Variants in IGF1R observed in about 807,000 individuals in gnomAD.
The protein encoded by IGF1R is insulin-like growth factor 1 receptor.
In IGF1R, 44 loss-of-function variants were observed where a neutral mutation model predicts 144.6. The observed-to-expected ratio is 0.30, with a 90% CI of 0.24 to 0.39. The LOEUF (loss-of-function observed/expected upper bound fraction) is 0.39. Among genes scored for constraint, IGF1R ranks in the 10% least tolerant of loss-of-function variants. The probability of loss-of-function intolerance (pLI) is 1.00; values close to 1 mark genes in which losing one functional copy is unlikely to be tolerated. For missense variants in IGF1R, 1,355 were observed against 1,833.7 expected, an observed-to-expected ratio of 0.74 and a Z score of 4.77; for synonymous variants, 795 against 722.8, an observed-to-expected ratio of 1.10 and a Z score of -1.60.
chr15:98,843,532 T>C (rs1376346646), intron 2 of IGF1R, among the ~76,000 whole-genome samples: 1 of 152,138 alleles, frequency 6.6e-6, no homozygotes, highest in Non-Finnish European at 1.5e-5. Context: ...TTAAAAGTTT[T>C]TAAAATATTA....
chr15:98,649,643 C>T lies in IGF1R; in HGVS notation c.62C>T (p.Ala21Val), dbSNP rs764574675. The change falls in exon 1 of 21, where the codon GCC becomes GTC. Residue 21 changes from alanine (A) to valine (V), a missense_variant. By Grantham distance (64) the Ala-to-Val change is moderately conservative. Around this residue, in one of 7 missense-constraint regions of IGF1R, gnomAD observed 49 missense variants for 34.7 expected, o/e 1.41. Coordinates refer to ENST00000650285, the MANE Select transcript of IGF1R (RefSeq NM_000875.5). ...TSLWGLLFLS[A>V]ALSLWPTSGE... is the part of the protein sequence containing the mutation. ...CTGTGGGGGCTCCTGTTTCTCTCCG[C>T]CGCGCTCTCGCTCTGGCCGACGAGT... The T allele has an allele frequency of 1.2e-6, 2 of 1,610,510 alleles. No individual in the cohort carries two copies. The highest frequency in any genetic ancestry group is 1.1e-5 in the South Asian group (1 of 90,570).
chr15:98,821,639 G>A (rs1393193902), intron 2 of IGF1R, among the ~76,000 whole-genome samples: 3 of 152,326 alleles, frequency 2.0e-5, no homozygotes, highest in Admixed American at 6.5e-5. Flanking sequence ...ATGAAACCAA[G>A]GCAGAGAAAT....
chr15:98,945,044 G>A (rs896886825), intron 19 of IGF1R, among the ~76,000 whole-genome samples: 3 of 152,202 alleles, frequency 2.0e-5, no homozygotes, highest in Admixed American at 6.5e-5. Context: ...AGGCCCTTGG[G>A]CACTGTGGCT....
At chr15:98,734,878 G>A (rs1479144743) in intron 2 of IGF1R, 1 of 152,172 alleles carries the variant, frequency 6.6e-6, no homozygotes, top group African/African-American at 2.4e-5. Context: ...ATGCCAAGAC[G>A]AATTGTAGGT....
rs143499578 is a variant in IGF1R at position 98,722,409 on chromosome 15, A to G, written c.640+14302A>G. On this transcript the variant is annotated intron_variant, in intron 2 of 20. Coordinates refer to ENST00000650285, the MANE Select transcript of IGF1R (RefSeq NM_000875.5). ...GTACTGTTTGCCGAACACTGTATAC[A>G]AGGCCCTCGACTCGTGAATGAGTTG... 2.4e-4 allele frequency among the ~76,000 whole-genome samples: 36 copies of G among 152,280 alleles called. No homozygotes were observed. The East Asian group carries it at 5.0e-3, about 21-fold the overall frequency.
At chr15:98,931,654 A>G (rs2015945492) in intron 15 of IGF1R, among the ~76,000 whole-genome samples, 1 of 151,568 alleles carries the variant, frequency 6.6e-6, no homozygotes, top group Non-Finnish European at 1.5e-5. Context: ...GATGCACACC[A>G]CACTTACAAG....
intron 20 of IGF1R, among the ~76,000 whole-genome samples, chr15:98,952,312 A>ACACAC (rs1379922914): frequency 6.6e-6 from 1 of 151,436 alleles, no homozygotes; most frequent in African/African-American, 2.4e-5. Flanking sequence ...CAACACACAC[A>ACACAC]CACACACACA....
chr15:98,874,822 C>G (rs1210427910), intron 2 of IGF1R, among the ~76,000 whole-genome samples: 3 of 152,330 alleles, frequency 2.0e-5, no homozygotes, highest in Admixed American at 2.0e-4. Flanking sequence ...AGTCGGCCCT[C>G]CTTTTCCCCT....
intron 2 of IGF1R, among the ~76,000 whole-genome samples, chr15:98,765,168 A>C (rs938840955): frequency 1.3e-4 from 20 of 152,178 alleles, no homozygotes; most frequent in African/African-American, 4.8e-4. Flanking sequence ...GGTGAATAAT[A>C]GTCCATTGTA....
chr15:98,921,964 G>A (rs149481972), intron 10 of IGF1R, among the ~76,000 whole-genome samples, 184 bp from the exon 11 acceptor site: 2 of 152,258 alleles, frequency 1.3e-5, no homozygotes, highest in East Asian at 1.9e-4. Context: ...TCTGACACTT[G>A]CAGAGTAGAG....
intron 2 of IGF1R, among the ~76,000 whole-genome samples, chr15:98,728,905 A>G (rs1475613054): frequency 3.3e-5 from 5 of 152,248 alleles, no homozygotes; most frequent in South Asian, 2.1e-4. Context: ...GGCTCTGCAC[A>G]TTGGTGAAGA....
intron 2 of IGF1R, among the ~76,000 whole-genome samples, chr15:98,801,244 C>A (rs1238507747): frequency 6.6e-6 from 1 of 152,168 alleles, no homozygotes; most frequent in Non-Finnish European, 1.5e-5. Context: ...CCACATGTGC[C>A]AGTCTCTCTG....
intron 2 of IGF1R, among the ~76,000 whole-genome samples, chr15:98,821,917 T>C (rs2056810500): frequency 6.6e-6 from 1 of 152,142 alleles, no homozygotes; most frequent in Admixed American, 6.5e-5. Flanking sequence ...TAATTCCCAC[T>C]CCAGGCCAAC....
chr15:98,849,540 A>G (rs1344440590), intron 2 of IGF1R, among the ~76,000 whole-genome samples: 2 of 152,254 alleles, frequency 1.3e-5, no homozygotes, highest in African/African-American at 4.8e-5. Context: ...TCCAGAAGCC[A>G]GAAAAGAAAA....
At chr15:98,908,634 G>A (rs1306788795) in intron 5 of IGF1R, 51 bp from the exon 6 acceptor site, 7 of 1,415,074 alleles carry the variant, frequency 4.9e-6, no homozygotes, top group Non-Finnish European at 6.0e-6. Context: ...GCAGGCTAGA[G>A]GGGACTGTGG....
chr15:98,658,259 C>T (rs1373744444), intron 1 of IGF1R, among the ~76,000 whole-genome samples: 1 of 152,196 alleles, frequency 6.6e-6, no homozygotes, highest in Non-Finnish European at 1.5e-5. Context: ...GCTACTTCTC[C>T]TTCCATCCTC....
chr15:98,918,632 G>T (rs560100491), intron 10 of IGF1R, among the ~76,000 whole-genome samples: 192 of 152,214 alleles, frequency 1.3e-3, no homozygotes, highest in Non-Finnish European at 2.0e-3. Flanking sequence ...TGTAATCCCA[G>T]CACTTTGGGA....
At chr15:98,827,743 C>T (rs952258348) in intron 2 of IGF1R, among the ~76,000 whole-genome samples, 17 of 152,114 alleles carry the variant, frequency 1.1e-4, no homozygotes, top group African/African-American at 1.9e-4. Flanking sequence ...CCACCACACC[C>T]GGCTAATTTT....
At chr15:98,923,638 A>C in intron 11 of IGF1R, 2 of 522,922 alleles carry the variant, frequency 3.8e-6, no homozygotes, top group Non-Finnish European at 3.5e-6. Flanking sequence ...GAGACGTGCA[A>C]GTTTTGTGGT....
Sources: gnomAD v4.1 joint callset for allele counts (sites outside exome capture counted in the v4.1 genomes callset) on GRCh38, gnomAD v4.1.1 for gene constraint, gnomAD v4.1.1 regional missense constraint, MANE v1.5 for transcripts, NCBI Gene and HGNC (gene_info 2026-07-23, HGNC 2026-07-21) for gene names.